The following CCDC125 variants were observed in gnomAD, a reference collection of about 807,000 sequenced individuals.
The protein encoded by CCDC125 is coiled-coil domain-containing protein 125.
Under a neutral mutation model 57.4 loss-of-function variants are expected in CCDC125, and 43 were observed. The observed-to-expected ratio is 0.75, with a 90% confidence interval of 0.59 to 0.97. The LOEUF is 0.97. CCDC125 is among the 50% of genes least tolerant of loss of function. The probability of loss-of-function intolerance (pLI) is 0.00; values close to 1 mark genes in which losing one functional copy is unlikely to be tolerated. For synonymous variants in CCDC125, 187 were observed against 195.2 expected (o/e 0.96, Z 0.35); for missense variants, 563 against 595.7 (o/e 0.95, Z 0.57).
At chr5:69,293,309 T>C (rs1754776070) in intron 9 of CCDC125, among the ~76,000 whole-genome samples, 1 of 152,196 alleles carries the variant, frequency 6.6e-6, no homozygotes, top group Non-Finnish European at 1.5e-5. Context: ...CTCATGCTTT[T>C]CTTAATGAAT....
chr5:69,292,081 T>A, intron 10 of CCDC125, 107 bp downstream of exon 10: 1 of 1,007,144 alleles, frequency 9.9e-7, no homozygotes. Flanking sequence ...ATATGTGAAG[T>A]TTCAATTATT....
rs1760433410 is a variant in CCDC125, at chr5:69,324,123, C to T, written c.-40-3543G>A. On this transcript the variant is annotated intron_variant, in intron 1 of 11. Coordinates refer to ENST00000396496, the MANE Select transcript of CCDC125 (RefSeq NM_176816.5). ...TCCACTATTAAACCTTATGTAGACA[C>T]CAAATAAATCTGACCATGTATTAAG... Among the ~76,000 whole-genome samples, 7 of 152,068 alleles carry T rather than the reference C, an allele frequency of 4.6e-5. No homozygotes were observed. In the South Asian group the frequency reaches 1.5e-3, roughly 32 times the overall value.
intron 1 of CCDC125, among the ~76,000 whole-genome samples, chr5:69,329,565 G>T (rs757398298): frequency 6.8e-6 from 1 of 146,416 alleles, no homozygotes; most frequent in South Asian, 2.2e-4. Flanking sequence ...GTGCAATGGC[G>T]TGATCACGGC....
At chr5:69,321,218 T>A (rs1398383385) in intron 1 of CCDC125, among the ~76,000 whole-genome samples, 1 of 152,240 alleles carries the variant, frequency 6.6e-6, no homozygotes, top group Non-Finnish European at 1.5e-5. Flanking sequence ...AGATGATGGA[T>A]ATGTTAATCA....
chr5:69,326,950 G>A (rs915104027), intron 1 of CCDC125, among the ~76,000 whole-genome samples: 11 of 152,038 alleles, frequency 7.2e-5, no homozygotes, highest in South Asian at 2.1e-4. Flanking sequence ...CAAGCTACAC[G>A]GGAGCCTGAG....
chr5:69,331,723 C>T (rs959744096), intron 1 of CCDC125, among the ~76,000 whole-genome samples: 9 of 152,086 alleles, frequency 5.9e-5, no homozygotes, highest in African/African-American at 2.2e-4. Flanking sequence ...TGGTCACCTG[C>T]AAGCCTCTAT....
chr5:69,276,969 T>G (rs536040898), downstream of CCDC125: 1 of 740,314 alleles, frequency 1.4e-6, no homozygotes, highest in East Asian at 2.6e-5. Flanking sequence ...ATGCTAAATG[T>G]TTAACAAGTG....
At chr5:69,314,561 A>T (rs1051149170) in intron 2 of CCDC125, among the ~76,000 whole-genome samples, 5 of 152,170 alleles carry the variant, frequency 3.3e-5, no homozygotes, top group East Asian at 1.9e-4. Context: ...GAATAAAAAA[A>T]TTTTTTGAAT....
rs190359635 is a variant in CCDC125 at position 69,315,277 on chromosome 5, T to C, written c.305-1231A>G. Among the ~76,000 whole-genome samples the C allele has an allele frequency of 3.2e-3, 470 of 148,232 alleles. 5 individuals carry two copies. The highest frequency in any genetic ancestry group is 0.011 in the African/African-American group (458 of 40,242). ...TCTCGAAAAAATAAAAAAAATAACCTGAAGGCTGGGCACGGTGGCTTACAC... is the reference window on the plus strand; with the variant it reads ...TCTCGAAAAAATAAAAAAAATAACCCGAAGGCTGGGCACGGTGGCTTACAC... On this transcript the variant is annotated intron_variant, in intron 2 of 11. Transcript: ENST00000396496.
chr5:69,279,611 T>C (rs1185495759), downstream of CCDC125, among the ~76,000 whole-genome samples: 1 of 152,134 alleles, frequency 6.6e-6, no homozygotes, highest in Non-Finnish European at 1.5e-5. Flanking sequence ...CTTTGTCCTG[T>C]GGCACTCACC....
intron 1 of CCDC125, among the ~76,000 whole-genome samples, chr5:69,332,155 T>C (rs1761497058): frequency 6.6e-6 from 1 of 152,256 alleles, no homozygotes; most frequent in South Asian, 2.1e-4. Flanking sequence ...TGGTGAACAA[T>C]GGCCTGCTGC....
rs561994282 is a variant in CCDC125 at position 69,292,216 on chromosome 5, C to T, written c.1071G>A (p.Trp357Ter). 2.5e-6 allele frequency: 4 copies of T among 1,613,330 alleles called. No homozygotes were observed. In the Admixed American group the frequency reaches 5.0e-5, roughly 20 times the overall value. Residue 357 changes from tryptophan (W) to a stop codon, truncating the protein, a stop_gained, in exon 10 of 12, where the codon TGG becomes TGA. Transcript: ENST00000396496. LOFTEE classifies it high-confidence loss of function. ...MDKMHKKATKWMNWKHLKEDG... is the reference protein window; with the variant it reads ...MDKMHKKATK ...CCTCTTTAAGGTGCTTCCAATTCAT[C>T]CATTTTGTTGCTTTTTTATGCATTT... is the stretch of plus-strand genomic sequence containing the variant.
chr5:69,326,257 A>G (rs759374449), intron 1 of CCDC125, among the ~76,000 whole-genome samples: 1 of 152,212 alleles, frequency 6.6e-6, no homozygotes, highest in Non-Finnish European at 1.5e-5. Context: ...TCTATTATTT[A>G]TGACTTCAAA....
At chr5:69,325,382 G>A (rs1760601419) in intron 1 of CCDC125, among the ~76,000 whole-genome samples, 1 of 150,128 alleles carries the variant, frequency 6.7e-6, no homozygotes, top group African/African-American at 2.5e-5. Flanking sequence ...TGCTTTCCAT[G>A]TGCTAGACAG....
At chr5:69,331,583 C>A in intron 1 of CCDC125, among the ~76,000 whole-genome samples, 1 of 152,182 alleles carries the variant, frequency 6.6e-6, no homozygotes, top group East Asian at 1.9e-4. Flanking sequence ...ACTGAAGTGT[C>A]ACCCTGTTTT....
intron 10 of CCDC125, among the ~76,000 whole-genome samples, 161 bp from the exon 11 acceptor site, chr5:69,285,628 G>T (rs1753213458): frequency 6.6e-6 from 1 of 152,222 alleles, no homozygotes; most frequent in African/African-American, 2.4e-5. Flanking sequence ...CAATGCAGGT[G>T]AGAGGCAGCA....
chr5:69,289,687 C>T (rs1220822431), intron 10 of CCDC125, among the ~76,000 whole-genome samples: 1 of 151,748 alleles, frequency 6.6e-6, no homozygotes, highest in Non-Finnish European at 1.5e-5. Flanking sequence ...CACAGTGAGA[C>T]CTCATCTCTA....
chr5:69,277,104 T>G (rs781234036), downstream of CCDC125: 2 of 1,595,006 alleles, frequency 1.3e-6, no homozygotes, highest in South Asian at 1.2e-5. Flanking sequence ...TTTTGCTTCC[T>G]AGGAGGATTG....
At chr5:69,306,988 A>T in intron 5 of CCDC125, 86 bp from the exon 6 acceptor site, 1 of 1,313,154 alleles carries the variant, frequency 7.6e-7, no homozygotes, top group Non-Finnish European at 9.8e-7. Context: ...TAAATCATAT[A>T]ATCAGTTCTC....
Sources: allele counts gnomAD v4.1 joint callset (sites outside exome capture counted in the v4.1 genomes callset), GRCh38; gene constraint gnomAD v4.1.1; transcripts MANE v1.5; gene names NCBI Gene and HGNC (gene_info 2026-07-23, HGNC 2026-07-21).